Variants in OS9 observed in about 807,000 individuals in gnomAD.
The protein encoded by OS9 is OS9 endoplasmic reticulum lectin, also known as protein OS-9.
In OS9, 58 loss-of-function variants were observed where a neutral mutation model predicts 84.7. The ratio of observed to expected loss-of-function variants is 0.68; its 90% CI spans 0.55 to 0.85. The LOEUF (loss-of-function observed/expected upper bound fraction) is 0.85, where lower values mean the gene tolerates loss of function less well. OS9 is among the 40% of genes least tolerant of loss of function. The pLI is 0.00. For synonymous variants in OS9, 278 were observed against 320.8 expected (o/e 0.87, Z 1.43); for missense variants, 760 against 850.9 (o/e 0.89, Z 1.33).
At chr12:57,697,920 C>CACGGAACCTA (rs1953905427) in intron 5 of OS9, among the ~76,000 whole-genome samples, 18 of 81,114 alleles carry the variant, frequency 2.2e-4, no homozygotes, top group African/African-American at 6.8e-4. Context: ...CACACACACA[C>CACGGAACCTA]ACATACACAC....
chr12:57,709,967 G>A (rs572366634), intron 5 of OS9, among the ~76,000 whole-genome samples: 3 of 151,846 alleles, frequency 2.0e-5, no homozygotes, highest in East Asian at 3.9e-4. Context: ...ATTCTCGTGC[G>A]TCAGCCTCCC....
In OS9 at chr12:57,720,493, T is replaced by G. The variant is rs953932532; in HGVS notation, c.1853T>G (p.Leu618Arg). 6.2e-7 allele frequency: 1 copy of G among 1,612,422 alleles called. No homozygotes were observed. Residue 618 changes from leucine (L) to arginine (R), a missense_variant, in exon 14 of 15, where the codon CTC (leucine) becomes CGC (arginine). Physicochemically the swap from Leu to Arg is moderately radical, Grantham distance 102. Coordinates refer to ENST00000315970, the MANE Select transcript of OS9 (RefSeq NM_006812.4). ...RWLTDEDTRNLKEIFFNILVP... is the reference protein window; with the variant it reads ...RWLTDEDTRNRKEIFFNILVP... The stretch of plus-strand genomic sequence containing the variant: ...CTGACTGATGAGGACACGAGAAACC[T>G]CAAGGAGATCTTCTTCAATATCTTG...
intron 1 of OS9, 21 bp from the exon 2 acceptor site, chr12:57,694,729 C>G: frequency 6.2e-7 from 1 of 1,612,508 alleles, no homozygotes; most frequent in East Asian, 2.2e-5. Flanking sequence ...CCTTGCCCCC[C>G]GACCCTCCCT....
intron 1 of OS9, 181 bp from the exon 2 acceptor site, chr12:57,694,569 C>T (rs1953767783): frequency 2.8e-6 from 2 of 721,380 alleles, no homozygotes; most frequent in Admixed American, 2.5e-5. Flanking sequence ...CACCCGGACT[C>T]CGCCCCCGTG....
chr12:57,718,253 A>T lies in OS9; in HGVS notation c.1242A>T (p.Glu414Asp), dbSNP rs1486154656. Residue 414 changes from glutamate to aspartate, a missense_variant, in exon 11 of 15, where the codon GAA (glutamate) becomes GAT (aspartate). Physicochemically the swap from Glu to Asp is conservative, Grantham distance 45. Transcript: ENST00000315970. ...ATCCAGAACGGCAGAGAGAGATGGA[A>T]GAAGAGGAGGATGAGGATGAGGATG... ...RGDPERQREM[E>D]EEEDEDEDED... The T allele has an allele frequency of 6.2e-7, 1 of 1,614,046 alleles. No individual in the cohort carries two copies. The highest frequency in any genetic ancestry group is 8.5e-7 in the Non-Finnish European group (1 of 1,179,926).
chr12:57,699,392 A>G (rs571968023), intron 5 of OS9, among the ~76,000 whole-genome samples: 2 of 152,304 alleles, frequency 1.3e-5, no homozygotes, highest in South Asian at 4.1e-4. Flanking sequence ...TAATGAGAAA[A>G]GTGGGATGGA....
At chr12:57,698,878 A>G (rs140695486) in intron 5 of OS9, among the ~76,000 whole-genome samples, 2 of 152,292 alleles carry the variant, frequency 1.3e-5, no homozygotes, top group African/African-American at 4.8e-5. Context: ...GACAATGGTT[A>G]GGGGAGGCAA....
chr12:57,720,484 C>G lies in OS9; in HGVS notation c.1844C>G (p.Thr615Arg). 6.2e-7 allele frequency: 1 copy of G among 1,613,308 alleles called. No homozygotes were observed. The highest frequency in any genetic ancestry group is 8.5e-7 in the Non-Finnish European group (1 of 1,179,172). The change falls in exon 14 of 15, where the codon ACG becomes AGG. Residue 615 changes from threonine to arginine, a missense_variant. Coordinates refer to ENST00000315970, the MANE Select transcript of OS9 (RefSeq NM_006812.4). ...EGARWLTDED[T>R]RNLKEIFFNI... Reference sequence around the variant, plus strand: ...GCACGTTGGCTGACTGATGAGGACACGAGAAACCTCAAGGAGATCTTCTTC... The same window carrying G: ...GCACGTTGGCTGACTGATGAGGACAGGAGAAACCTCAAGGAGATCTTCTTC...
intron 12 of OS9, 107 bp from the exon 13 acceptor site, chr12:57,719,992 A>G: frequency 2.0e-6 from 2 of 1,015,532 alleles, no homozygotes; most frequent in East Asian, 4.8e-5. Context: ...GTTGAGATGG[A>G]AGAGCTGCCA....
At chr12:57,695,095 A>G in intron 2 of OS9, 169 bp downstream of exon 2, 2 of 618,478 alleles carry the variant, frequency 3.2e-6, no homozygotes, top group Non-Finnish European at 5.7e-6. Flanking sequence ...TCCTGCAACC[A>G]CTGATGACAC....
chr12:57,695,355 A>G, intron 2 of OS9: 1 of 385,062 alleles, frequency 2.6e-6, no homozygotes, highest in Non-Finnish European at 4.9e-6. Flanking sequence ...AAACTCCATG[A>G]GGTCAAAGAA....
chr12:57,717,811 A>AGAATTT, intron 9 of OS9, 59 bp from the exon 10 acceptor site: 2 of 1,098,166 alleles, frequency 1.8e-6, no homozygotes, highest in African/African-American at 1.6e-5. Context: ...AAAAAAAAAA[A>AGAATTT]AAAAAAAAGA....
intron 12 of OS9, 146 bp from the exon 13 acceptor site, chr12:57,719,953 C>A: frequency 1.4e-6 from 1 of 735,472 alleles, no homozygotes; most frequent in Non-Finnish European, 2.3e-6. Flanking sequence ...GCGGGGCACA[C>A]ATTTTTTTGA....
rs1444972706 is a variant in OS9, at chr12:57,694,891, T to C, written c.304T>C (p.Leu102=). ...CCAAGGGCCTGGGATCCCTGAGTTG[T>C]TGAGCCCAATGAGAGATGCTCCCTG... ...AYQGPGIPEL[L]SPMRDAPCLL... The change falls in exon 2 of 15, where the codon TTG becomes CTG. Residue 102 remains leucine, a synonymous_variant. Transcript: ENST00000315970. 3 of 1,614,170 alleles carry C rather than the reference T, an allele frequency of 1.9e-6. No individual in the cohort carries two copies. Among genetic ancestry groups the C allele is most frequent in the Admixed American group, 1.7e-5 (1 of 60,026 alleles).
intron 14 of OS9, 94 bp from the exon 15 acceptor site, chr12:57,720,690 T>C: frequency 6.8e-7 from 1 of 1,467,112 alleles, no homozygotes; most frequent in Non-Finnish European, 9.3e-7. Flanking sequence ...GACATGGGTG[T>C]CCTCATTCCC....
chr12:57,720,917 A>C lies in OS9; in HGVS notation c.*8A>C. The C allele has an allele frequency of 6.2e-7, 1 of 1,613,926 alleles. No individual in the cohort carries two copies. Among genetic ancestry groups the C allele is most frequent in the African/African-American group, 1.3e-5 (1 of 75,000 alleles). On this transcript the variant is annotated 3_prime_UTR_variant, in exon 15 of 15. Transcript: ENST00000315970. Reference sequence around the variant, plus strand: ...GACGAATTTGACTTCTGAGACCAACACTACACTTGACCCTTCACGGAATCC... The same window carrying C: ...GACGAATTTGACTTCTGAGACCAACCCTACACTTGACCCTTCACGGAATCC...
chr12:57,703,630 T>C (rs570759486), intron 5 of OS9, among the ~76,000 whole-genome samples: 1 of 152,374 alleles, frequency 6.6e-6, no homozygotes, highest in East Asian at 1.9e-4. Context: ...TTTTTGCCAG[T>C]ATCACACTGT....
At chr12:57,715,291 A>G (rs1200820435) in intron 5 of OS9, among the ~76,000 whole-genome samples, 2 of 152,136 alleles carry the variant, frequency 1.3e-5, no homozygotes, top group African/African-American at 4.8e-5. Context: ...TGAACCCAGG[A>G]GGCGGAGGTT....
chr12:57,703,270 AT>A (rs994297554), intron 5 of OS9, among the ~76,000 whole-genome samples: 1 of 150,728 alleles, frequency 6.6e-6, no homozygotes, highest in East Asian at 1.9e-4. Flanking sequence ...TTTGAGGTTA[AT>A]TTTTTTTTCT....
Sources: gnomAD v4.1 joint callset for allele counts (sites outside exome capture counted in the v4.1 genomes callset) on GRCh38, gnomAD v4.1.1 for gene constraint, MANE v1.5 for transcripts, NCBI Gene and HGNC (gene_info 2026-07-23, HGNC 2026-07-21) for gene names.